Variants in PTPRQ observed in about 807,000 individuals in gnomAD.
The protein encoded by PTPRQ is phosphatidylinositol phosphatase PTPRQ.
PTPRQ carries 199 observed loss-of-function variants against 246.0 expected under a neutral mutation model. The ratio of observed to expected loss-of-function variants is 0.81; its 90% confidence interval spans 0.72 to 0.91. The LOEUF (loss-of-function observed/expected upper bound fraction) is 0.91. Among genes scored for constraint, PTPRQ ranks in the 40% least tolerant of loss-of-function variants. PTPRQ has a pLI of 0.00. For missense variants in PTPRQ, 2,624 were observed against 2,528.4 expected (o/e 1.04, Z -0.81); for synonymous variants, 869 against 853.2 (o/e 1.02, Z -0.32).
intron 37 of PTPRQ, 29 bp from the exon 38 acceptor site, chr12:80,652,715 G>T: frequency 6.8e-7 from 1 of 1,475,558 alleles, no homozygotes; most frequent in Non-Finnish European, 8.9e-7. Flanking sequence ...TCTGATAAAT[G>T]TAAACTTTGT....
At chr12:80,622,457 AGTG>A (rs1044891764) in intron 33 of PTPRQ, among the ~76,000 whole-genome samples, 2 of 151,982 alleles carry the variant, frequency 1.3e-5, no homozygotes, top group South Asian at 2.1e-4. Context: ...ACAGGATGGT[AGTG>A]GTGGTGGTGC....
intron 17 of PTPRQ, among the ~76,000 whole-genome samples, chr12:80,528,721 C>A (rs1895761817): frequency 6.6e-6 from 1 of 152,160 alleles, no homozygotes; most frequent in Admixed American, 6.5e-5. Context: ...AATCCATCAA[C>A]TCATTTACAT....
Position 80,619,552 on chromosome 12 carries a change from C to G in PTPRQ, c.5389+10C>G. ...GTGACAGAAACAGGAGGTATCATCA[C>G]ATGTCAATTTATCTTGTTAAATTGT... On this transcript the variant is annotated intron_variant, in intron 31 of 44. Transcript: ENST00000644991. The G allele has an allele frequency of 6.6e-7, 1 of 1,506,776 alleles. No individual in the cohort carries two copies. Among genetic ancestry groups the G allele is most frequent in the Non-Finnish European group, 8.9e-7 (1 of 1,122,296 alleles). The allele number at this position is 1,506,776 out of a possible 1,614,324, so 93.3% of individuals were successfully genotyped here. A position where few individuals can be genotyped will look rare whatever the true frequency, so the allele number is the denominator to read the frequency against.
intron 38 of PTPRQ, among the ~76,000 whole-genome samples, 158 bp from the exon 39 acceptor site, chr12:80,657,827 T>A (rs567170455): frequency 4.3e-4 from 65 of 151,914 alleles, no homozygotes; most frequent in African/African-American, 1.4e-3. Flanking sequence ...TGTCTCTGGG[T>A]GGTAGAAATA....
At chr12:80,613,488 G>A in intron 28 of PTPRQ, 104 bp from the exon 29 acceptor site, 1 of 1,204,344 alleles carries the variant, frequency 8.3e-7, no homozygotes, top group Non-Finnish European at 1.1e-6. Context: ...GGTTTAATTT[G>A]TGGAATACTC....
At chr12:80,533,732 T>C (rs1386569082) in intron 17 of PTPRQ, among the ~76,000 whole-genome samples, 1 of 152,064 alleles carries the variant, frequency 6.6e-6, no homozygotes, top group Non-Finnish European at 1.5e-5. Flanking sequence ...GTACATAGTA[T>C]TCCTTAATAT....
In PTPRQ at chr12:80,562,351, A is replaced by G. The variant is rs181262204; in HGVS notation, c.4285+12617A>G. Among the ~76,000 whole-genome samples the G allele has an allele frequency of 2.0e-5, 3 of 152,314 alleles. No individual in the cohort carries two copies. The East Asian group carries it at 5.8e-4, about 29-fold the overall frequency. ...CTAAAACAGATTGTGTGGAAATGGT[A>G]TTCATTTATCTTTAAACAATTGGGA... On this transcript the variant is annotated intron_variant, in intron 25 of 44. Transcript: ENST00000644991.
At chr12:80,576,908 C>T (rs1404514037) in intron 25 of PTPRQ, among the ~76,000 whole-genome samples, 3 of 152,144 alleles carry the variant, frequency 2.0e-5, no homozygotes, top group African/African-American at 4.8e-5. Flanking sequence ...CATACTCATT[C>T]TTGGGTAAAT....
intron 9 of PTPRQ, among the ~76,000 whole-genome samples, chr12:80,486,565 A>T (rs370198357): frequency 6.6e-6 from 1 of 152,162 alleles, no homozygotes; most frequent in Non-Finnish European, 1.5e-5. Flanking sequence ...GCCTTCATTT[A>T]TATAATGGGG....
At chr12:80,501,387 C>T (rs928434868) in intron 14 of PTPRQ, among the ~76,000 whole-genome samples, 3 of 151,836 alleles carry the variant, frequency 2.0e-5, no homozygotes, top group African/African-American at 7.3e-5. Context: ...GTGGTAGTGC[C>T]ATTTACTTAG....
chr12:80,657,067 G>A (rs756361237), intron 38 of PTPRQ, among the ~76,000 whole-genome samples: 5 of 151,656 alleles, frequency 3.3e-5, no homozygotes, highest in African/African-American at 4.8e-5. Context: ...ATTTTTGTAC[G>A]GCAAAATTGA....
In PTPRQ at chr12:80,673,231, AC is replaced by A; in HGVS notation, c.6667del (p.His2223MetfsTer9). ...ALDHLTQHIN[D>X]HDFVDIYGLV... is the part of the protein sequence containing the mutation. ...GACCATTTAACACAACATATAAATG[AC>A]CATGATTTTGTGGATATATATGGAC... On this transcript the variant is annotated frameshift_variant, in exon 43 of 45. Coordinates refer to ENST00000644991, the MANE Select transcript of PTPRQ (RefSeq NM_001145026.2). LOFTEE classifies it high-confidence loss of function. 3 of 1,551,002 alleles carry A rather than the reference AC, an allele frequency of 1.9e-6. No individual in the cohort carries two copies. Among genetic ancestry groups the A allele is most frequent in the Non-Finnish European group, 2.6e-6 (3 of 1,146,484 alleles).
At chr12:80,673,414 T>G in intron 43 of PTPRQ, 110 bp downstream of exon 43, 3 of 1,439,718 alleles carry the variant, frequency 2.1e-6, no homozygotes. Flanking sequence ...GACACCTTCT[T>G]TTCCTACATT....
chr12:80,652,800 T>A lies in PTPRQ; in HGVS notation c.6081T>A (p.Asn2027Lys). The change falls in exon 38 of 45, where the codon AAT becomes AAA. Residue 2027 changes from asparagine (N) to lysine (K), a missense_variant. Asn to Lys is a moderately conservative substitution (Grantham distance 94, BLOSUM62 0). Transcript: ENST00000644991. Reference sequence around the variant, plus strand: ...CAACTGATGCTGATCTGCCTTGGAATAGAGCAAAAAACCGCTTCCCAAACA... The same window carrying A: ...CAACTGATGCTGATCTGCCTTGGAAAAGAGCAAAAAACCGCTTCCCAAACA... ...LSSTDADLPW[N>K]RAKNRFPNIK... The A allele has an allele frequency of 6.6e-7, 1 of 1,513,274 alleles. No homozygotes were observed. The highest frequency in any genetic ancestry group is 8.8e-7 in the Non-Finnish European group (1 of 1,131,138). The allele number at this position is 1,513,274 out of a possible 1,614,324, so 93.7% of individuals were successfully genotyped here.
chr12:80,474,964 G>A (rs1893765382), intron 8 of PTPRQ, among the ~76,000 whole-genome samples: 2 of 152,160 alleles, frequency 1.3e-5, no homozygotes, highest in African/African-American at 4.8e-5. Flanking sequence ...ATAACTGAGA[G>A]CCTGCCAACT....
At position 80,613,820 on chromosome 12, in the gene PTPRQ, A is replaced by G. The variant is rs1898647162; in HGVS notation, c.5147A>G (p.His1716Arg). Residue 1716 changes from histidine to arginine, a missense_variant, in exon 29 of 45, where the codon CAT (histidine) becomes CGT (arginine). By Grantham distance (29) the His-to-Arg change is conservative. Coordinates refer to ENST00000644991, the MANE Select transcript of PTPRQ (RefSeq NM_001145026.2). ...IAMLEGLKGG[H>R]TYNISVYAVN... ...ATGCTAGAAGGACTAAAAGGTGGAC[A>G]TACATACAATATCAGTGTAAGAATC... 5.9e-6 allele frequency: 9 copies of G among 1,535,276 alleles called. No individual in the cohort carries two copies. Among genetic ancestry groups the G allele is most frequent in the South Asian group, 1.2e-5 (1 of 81,114 alleles).
At chr12:80,619,217 T>C (rs982028918) in intron 30 of PTPRQ, among the ~76,000 whole-genome samples, 167 bp from the exon 31 acceptor site, 2 of 151,616 alleles carry the variant, frequency 1.3e-5, no homozygotes, top group African/African-American at 4.8e-5. Flanking sequence ...TTTCAGGAGA[T>C]AATAATTGCT....
At chr12:80,510,039 G>A (rs1246100803) in intron 16 of PTPRQ, among the ~76,000 whole-genome samples, 1 of 151,976 alleles carries the variant, frequency 6.6e-6, no homozygotes, top group Non-Finnish European at 1.5e-5. Context: ...TGACCAAGAT[G>A]TACTTGAACA....
chr12:80,580,852 C>G (rs1897411410), intron 25 of PTPRQ, among the ~76,000 whole-genome samples: 1 of 152,158 alleles, frequency 6.6e-6, no homozygotes, highest in Non-Finnish European at 1.5e-5. Flanking sequence ...TAATAGGAGG[C>G]TGAAATTGTC....
Sources: gnomAD v4.1 joint callset for allele counts (sites outside exome capture counted in the v4.1 genomes callset) on GRCh38, gnomAD v4.1.1 for gene constraint, MANE v1.5 for transcripts, NCBI Gene and HGNC (gene_info 2026-07-23, HGNC 2026-07-21) for gene names.